NF1: variants seen among roughly 807,000 people sequenced by gnomAD.
NF1 encodes the protein neurofibromin.
NF1 carries 122 observed loss-of-function variants against 325.7 expected under a neutral mutation model. The observed-to-expected ratio is 0.37, with a 90% CI of 0.32 to 0.44. The LOEUF (loss-of-function observed/expected upper bound fraction) is 0.44, where lower values mean the gene tolerates loss of function less well. NF1 is among the 20% of genes least tolerant of loss of function. The pLI is 1.00. For synonymous variants in NF1, 1,091 were observed against 1,186.0 expected, an observed-to-expected ratio of 0.92 and a Z score of 1.65; for missense variants, 2,140 against 3,415.4, an observed-to-expected ratio of 0.63 and a Z score of 9.31.
In NF1 at chr17:31,374,621, A is replaced by T; in HGVS notation, c.*466A>T. On this transcript the variant is annotated 3_prime_UTR_variant, in exon 58 of 58. Transcript: ENST00000358273. ...AGTTTATGAGAGAAATAGTATTATA[A>T]CCCCAGTATGTTTAATCTTTTAGCT... 3.6e-6 allele frequency: 1 copy of T among 275,990 alleles called. No homozygotes were observed. The highest frequency in any genetic ancestry group is 5.3e-5 in the East Asian group (1 of 18,780). 17.1% of individuals were successfully genotyped at this position (275,990 alleles called of 1,614,324 possible). A position where few individuals can be genotyped will look rare whatever the true frequency, so the allele number is the denominator to read the frequency against.
intron 49 of NF1, among the ~76,000 whole-genome samples, 166 bp from the exon 50 acceptor site, chr17:31,350,017 G>T (rs1235508830): frequency 2.0e-5 from 3 of 152,152 alleles, no homozygotes; most frequent in African/African-American, 7.2e-5. Context: ...GAAAATAAAA[G>T]ATGCTTATTA....
chr17:31,349,512 G>A (rs1240996208), intron 49 of NF1, among the ~76,000 whole-genome samples: 1 of 152,110 alleles, frequency 6.6e-6, no homozygotes, highest in Non-Finnish European at 1.5e-5. Context: ...TCTGTTATCT[G>A]TCATAAAATC....
intron 8 of NF1, among the ~76,000 whole-genome samples, chr17:31,187,332 G>A (rs2143811449): frequency 6.6e-6 from 1 of 152,250 alleles, no homozygotes; most frequent in Middle Eastern, 3.4e-3. Context: ...CCGAGTACCT[G>A]GGACTATAGG....
At chr17:31,313,970 T>A (rs2068957786) in intron 36 of NF1, 3 of 398,024 alleles carry the variant, frequency 7.5e-6, no homozygotes, top group Non-Finnish European at 1.3e-5. Flanking sequence ...TGTGTGAAAA[T>A]TTTCTTACCT....
intron 36 of NF1, among the ~76,000 whole-genome samples, chr17:31,265,868 A>T (rs1055590857): frequency 1.3e-5 from 2 of 152,194 alleles, no homozygotes; most frequent in Non-Finnish European, 2.9e-5. Context: ...AGTTGAGGCT[A>T]GTTCCTAGAA....
In NF1 at chr17:31,336,459, T is replaced by C. The variant is rs2151553576; in HGVS notation, c.6133T>C (p.Leu2045=). 6.2e-7 allele frequency: 1 copy of C among 1,614,132 alleles called. No individual in the cohort carries two copies. The highest frequency in any genetic ancestry group is 8.5e-7 in the Non-Finnish European group (1 of 1,180,014). ...AGCTTTGGCTTCTGGAAATGTGAAA[T>C]TGGTTTCAAGCAAGGTAATCACTTT... ...AVALASGNVK[L]VSSKVIGRMC... Residue 2045 remains leucine, a synonymous_variant, in exon 41 of 58, where the codon TTG becomes CTG. Coordinates refer to ENST00000358273, the MANE Select transcript of NF1 (RefSeq NM_001042492.3). The surrounding 1 kb of genome is among the most constrained non-coding windows in gnomAD (Gnocchi z 5.5).
At chr17:31,291,146 C>A (rs887938590) in intron 36 of NF1, among the ~76,000 whole-genome samples, 1 of 151,948 alleles carries the variant, frequency 6.6e-6, no homozygotes, top group African/African-American at 2.4e-5. Flanking sequence ...TCAGAATTGC[C>A]TTAATCTGTA....
chr17:31,215,045 G>A (rs1344430140), intron 13 of NF1, among the ~76,000 whole-genome samples: 1 of 152,100 alleles, frequency 6.6e-6, no homozygotes, highest in Non-Finnish European at 1.5e-5. Flanking sequence ...CATTGGCTCT[G>A]CCTACAAATA....
intron 1 of NF1, among the ~76,000 whole-genome samples, chr17:31,125,815 C>T (rs894433160): frequency 7.9e-5 from 12 of 152,154 alleles, no homozygotes; most frequent in Admixed American, 5.2e-4. Context: ...GGATTACAGG[C>T]GTGAGCCACT....
intron 1 of NF1, among the ~76,000 whole-genome samples, chr17:31,121,050 T>G (rs954371590): frequency 1.1e-4 from 16 of 152,242 alleles, no homozygotes; most frequent in African/African-American, 3.9e-4. Context: ...AACCATGTAT[T>G]AGTTTCATAT....
intron 23 of NF1, 145 bp from the exon 24 acceptor site, chr17:31,230,697 T>C: frequency 1.4e-6 from 1 of 718,186 alleles, no homozygotes; most frequent in Non-Finnish European, 2.5e-6. Flanking sequence ...ATGTCTGTGA[T>C]AGCAGTATCT....
At chr17:31,348,181 A>G (rs2151571181) in intron 48 of NF1, among the ~76,000 whole-genome samples, 1 of 98,802 alleles carries the variant, frequency 1.0e-5, no homozygotes, top group South Asian at 3.3e-4. Context: ...TGCCATAGAG[A>G]AAATTTCCAC....
intron 7 of NF1, 97 bp downstream of exon 7, chr17:31,181,882 A>C: frequency 1.1e-6 from 1 of 908,096 alleles, no homozygotes. Context: ...TTTTGTTATA[A>C]AGGTGCTTTT....
chr17:31,165,078 A>G (rs1295210666), intron 4 of NF1, among the ~76,000 whole-genome samples: 1 of 152,232 alleles, frequency 6.6e-6, no homozygotes, highest in Non-Finnish European at 1.5e-5. Context: ...GTGGTACAAA[A>G]AAACCCAAAT....
At chr17:31,253,358 G>A (rs1286982234) in intron 31 of NF1, 1 of 213,170 alleles carries the variant, frequency 4.7e-6, no homozygotes, top group Non-Finnish European at 9.7e-6. Flanking sequence ...CTTGTTTGAA[G>A]GTAATGTGAG....
At chr17:31,146,409 G>GTCCA (rs112178514) in intron 1 of NF1, among the ~76,000 whole-genome samples, 8,011 of 148,580 alleles carry the variant, frequency 0.054, 245 homozygotes, top group African/African-American at 0.076. Flanking sequence ...TAATCTGTCT[G>GTCCA]TCCATCCATC....
chr17:31,365,297 A>AAAAG (rs397975647), intron 57 of NF1, among the ~76,000 whole-genome samples: 4 of 148,744 alleles, frequency 2.7e-5, no homozygotes, highest in African/African-American at 9.9e-5. Flanking sequence ...AAAAAAAAAA[A>AAAAG]GAAGGAAAGA....
chr17:31,100,716 C>T (rs1912247627), intron 1 of NF1, among the ~76,000 whole-genome samples: 1 of 152,100 alleles, frequency 6.6e-6, no homozygotes. Context: ...ACTACAGGCG[C>T]ATGCCACCAC....
At chr17:31,328,448 A>C (rs912400397) in intron 38 of NF1, among the ~76,000 whole-genome samples, 1 of 152,182 alleles carries the variant, frequency 6.6e-6, no homozygotes, top group Non-Finnish European at 1.5e-5. Context: ...AAGATACTGA[A>C]GTTTTCAGAT....
Sources: gnomAD v4.1 joint callset for allele counts (sites outside exome capture counted in the v4.1 genomes callset) on GRCh38, gnomAD v4.1.1 for gene constraint, Gnocchi (gnomAD v3.1) non-coding constraint, MANE v1.5 for transcripts, NCBI Gene and HGNC (gene_info 2026-07-23, HGNC 2026-07-21) for gene names.